The following CDK14 variants were observed in gnomAD, a reference collection of about 807,000 sequenced individuals.
CDK14 encodes cyclin dependent kinase 14.
In CDK14, 34 loss-of-function variants were observed where a neutral mutation model predicts 60.7. The observed-to-expected ratio is 0.56, with a 90% CI of 0.43 to 0.75. The LOEUF (loss-of-function observed/expected upper bound fraction) is 0.75. Ranked by LOEUF, CDK14 falls within the 30% of genes least tolerant of loss-of-function variation. The pLI, the probability that CDK14 is intolerant of heterozygous loss-of-function variation, is 0.00. For missense variants in CDK14, 482 were observed against 564.1 expected (o/e 0.85, Z 1.47); for synonymous variants, 197 against 203.7 (o/e 0.97, Z 0.28).
At chr7:90,609,596 C>T (rs886343589) in intron 2 of CDK14, among the ~76,000 whole-genome samples, 1 of 152,152 alleles carries the variant, frequency 6.6e-6, no homozygotes, top group Non-Finnish European at 1.5e-5. Flanking sequence ...TCTCCCTTTG[C>T]CTACTGCCAG....
At chr7:90,617,999 A>G (rs1799688935) in intron 2 of CDK14, among the ~76,000 whole-genome samples, 1 of 152,204 alleles carries the variant, frequency 6.6e-6, no homozygotes, top group Non-Finnish European at 1.5e-5. Context: ...ATGGGTGTAA[A>G]TTGCCTTCAC....
chr7:91,058,293 A>G (rs1359004832), intron 11 of CDK14, among the ~76,000 whole-genome samples: 11 of 149,618 alleles, frequency 7.4e-5, no homozygotes, highest in African/African-American at 2.6e-4. Flanking sequence ...TTATCAGCTT[A>G]AGGAGATTTT....
At chr7:90,786,003 G>A (rs953309059) in intron 4 of CDK14, among the ~76,000 whole-genome samples, 3 of 152,144 alleles carry the variant, frequency 2.0e-5, no homozygotes, top group Non-Finnish European at 4.4e-5. Flanking sequence ...TCCTGTGCAT[G>A]GAGATATTCT....
At chr7:91,076,242 C>CAAAAA (rs564729987) in intron 11 of CDK14, among the ~76,000 whole-genome samples, 308 of 28,810 alleles carry the variant, frequency 0.011, 61 homozygotes, top group Non-Finnish European at 0.017. Context: ...CTACAGTAAC[C>CAAAAA]AAAAAAAAAA....
At chr7:90,673,930 A>G (rs552257526) in intron 2 of CDK14, among the ~76,000 whole-genome samples, 1 of 152,296 alleles carries the variant, frequency 6.6e-6, no homozygotes, top group Admixed American at 6.5e-5. Context: ...CTGAGTTAAC[A>G]ACTTGTTTAT....
chr7:91,078,008 C>T (rs1396050218), intron 11 of CDK14, among the ~76,000 whole-genome samples: 1 of 152,116 alleles, frequency 6.6e-6, no homozygotes, highest in Non-Finnish European at 1.5e-5. Context: ...CTGATAACAA[C>T]CAATGCTAGA....
chr7:90,926,530 G>A (rs1446879701), intron 8 of CDK14, among the ~76,000 whole-genome samples: 9 of 152,164 alleles, frequency 5.9e-5, no homozygotes, highest in African/African-American at 1.4e-4. Context: ...GCAGTGCTGG[G>A]CAGTAGCTCA....
intron 4 of CDK14, among the ~76,000 whole-genome samples, chr7:90,751,992 T>G (rs1014407838): frequency 1.3e-5 from 2 of 152,206 alleles, no homozygotes; most frequent in Non-Finnish European, 2.9e-5. Flanking sequence ...ATCCTAAATA[T>G]ATATGCATGC....
intron 2 of CDK14, among the ~76,000 whole-genome samples, chr7:90,696,664 G>T (rs964273584): frequency 1.3e-5 from 2 of 152,156 alleles, no homozygotes; most frequent in Non-Finnish European, 2.9e-5. Context: ...ATGAGGGAAA[G>T]GTAGGACCTG....
intron 3 of CDK14, 147 bp from the exon 4 acceptor site, chr7:90,747,534 T>C (rs1803643307): frequency 1.7e-6 from 1 of 571,862 alleles, no homozygotes; most frequent in South Asian, 2.1e-5. Context: ...CTGTTTATTA[T>C]GTTGTTTTGA....
chr7:90,657,591 G>T (rs1800776937), intron 2 of CDK14, among the ~76,000 whole-genome samples: 1 of 152,158 alleles, frequency 6.6e-6, no homozygotes, highest in Non-Finnish European at 1.5e-5. Flanking sequence ...GGATTTTTAA[G>T]CATGTGAAAT....
intron 10 of CDK14, among the ~76,000 whole-genome samples, chr7:91,000,785 G>T (rs1647982562): frequency 6.6e-6 from 1 of 152,226 alleles, no homozygotes; most frequent in Admixed American, 6.5e-5. Context: ...CAAAACAGCA[G>T]TTTGTGAAGC....
At chr7:91,093,705 C>A (rs1345227096) in intron 12 of CDK14, among the ~76,000 whole-genome samples, 1 of 152,078 alleles carries the variant, frequency 6.6e-6, no homozygotes, top group Admixed American at 6.6e-5. Flanking sequence ...AATCATATTA[C>A]CAAAATGGCA....
chr7:90,639,829 G>C (rs200733070), intron 2 of CDK14, among the ~76,000 whole-genome samples: 1 of 152,110 alleles, frequency 6.6e-6, no homozygotes, highest in South Asian at 2.1e-4. Context: ...AATGGCGGGC[G>C]CCCCTCCCCC....
chr7:90,970,976 A>C (rs1443177205), intron 9 of CDK14, among the ~76,000 whole-genome samples: 1 of 152,044 alleles, frequency 6.6e-6, no homozygotes, highest in Non-Finnish European at 1.5e-5. Context: ...CATGTGCACA[A>C]CGTGCAGGTT....
intron 14 of CDK14, among the ~76,000 whole-genome samples, chr7:91,123,483 C>A (rs1333405932): frequency 1.3e-5 from 2 of 152,080 alleles, no homozygotes; most frequent in Non-Finnish European, 2.9e-5. Flanking sequence ...ACATGACTGC[C>A]AATTAAAAAA....
At chr7:90,973,873 T>C (rs892480791) in intron 9 of CDK14, among the ~76,000 whole-genome samples, 9 of 152,104 alleles carry the variant, frequency 5.9e-5, no homozygotes, top group Non-Finnish European at 1.2e-4. Context: ...TGTGCACGCA[T>C]TGTCTTGAAA....
At chr7:91,155,254 G>C (rs1004848815) in intron 14 of CDK14, among the ~76,000 whole-genome samples, 2 of 152,126 alleles carry the variant, frequency 1.3e-5, no homozygotes, top group African/African-American at 4.8e-5. Flanking sequence ...CATAGTTGTG[G>C]GAACCATACA....
intron 9 of CDK14, among the ~76,000 whole-genome samples, chr7:90,956,081 C>G (rs1005239323): frequency 6.6e-6 from 1 of 152,096 alleles, no homozygotes; most frequent in African/African-American, 2.4e-5. Context: ...TTTTCTCTCC[C>G]TAAGAGTCTT....
Sources: allele counts gnomAD v4.1 joint callset (sites outside exome capture counted in the v4.1 genomes callset), GRCh38; gene constraint gnomAD v4.1.1; transcripts MANE v1.5; gene names NCBI Gene and HGNC (gene_info 2026-07-23, HGNC 2026-07-21).